The following MAST2 variants were observed in gnomAD, a reference collection of about 807,000 sequenced individuals.
MAST2 encodes the protein microtubule-associated serine/threonine-protein kinase 2.
Under a neutral mutation model 147.4 loss-of-function variants are expected in MAST2, and 70 were observed. The observed-to-expected ratio is 0.47, with a 90% confidence interval of 0.39 to 0.58. The LOEUF (loss-of-function observed/expected upper bound fraction) is 0.58, where lower values mean the gene tolerates loss of function less well. Among genes scored for constraint, MAST2 ranks in the 20% least tolerant of loss-of-function variants. MAST2 has a pLI of 0.00. For missense variants in MAST2, 2,080 were observed against 2,302.3 expected, an observed-to-expected ratio of 0.90 and a Z score of 1.98; for synonymous variants, 869 against 896.8, an observed-to-expected ratio of 0.97 and a Z score of 0.55.
At chr1:45,947,321 A>C (rs113062068) in intron 4 of MAST2, among the ~76,000 whole-genome samples, 11 of 151,522 alleles carry the variant, frequency 7.3e-5, no homozygotes, top group Non-Finnish European at 1.5e-4. Context: ...AAAAAAAAAA[A>C]AAAAAAAAAA....
rs780462984 is a variant in MAST2, at chr1:46,034,275, G to T, written c.3868+9G>T. Reference sequence around the variant, plus strand: ...CGATGCTGTGCATTCAGGTACGAAGGGCTCCCTGCAGATCAGTGACAACCC... The same window carrying T: ...CGATGCTGTGCATTCAGGTACGAAGTGCTCCCTGCAGATCAGTGACAACCC... On this transcript the variant is annotated intron_variant, in intron 28 of 28. Coordinates refer to ENST00000361297, the MANE Select transcript of MAST2 (RefSeq NM_015112.3). The T allele has an allele frequency of 6.2e-7, 1 of 1,607,984 alleles. No individual in the cohort carries two copies. The highest frequency in any genetic ancestry group is 1.1e-5 in the South Asian group (1 of 90,280).
rs541912452 is a variant in MAST2, at chr1:46,012,595, A to G, written c.1188+1656A>G. On this transcript the variant is annotated intron_variant, in intron 10 of 28. Transcript: ENST00000361297. ...ACAATGTGATTGACGAGCACTAGAG[A>G]TAAGTAGGTTCTGAGCACAGAGGAG... Among the ~76,000 whole-genome samples, 8 of 152,260 alleles carry G rather than the reference A, an allele frequency of 5.3e-5. No homozygotes were observed. The East Asian group carries it at 1.4e-3, about 26-fold the overall frequency.
At chr1:45,886,894 TC>T (rs201017892) in intron 4 of MAST2, among the ~76,000 whole-genome samples, 3,439 of 152,288 alleles carry the variant, frequency 0.023, 140 homozygotes, top group African/African-American at 0.078. Context: ...TGGCGCAGTC[TC>T]AGCTCACTGC....
intron 1 of MAST2, among the ~76,000 whole-genome samples, chr1:45,812,746 C>T (rs144413016): frequency 6.4e-4 from 97 of 152,204 alleles, no homozygotes; most frequent in Middle Eastern, 3.4e-3. Context: ...TTTAATAGTC[C>T]GTGTAACATT....
chr1:45,901,488 T>A (rs947466988), intron 4 of MAST2, among the ~76,000 whole-genome samples: 1 of 152,228 alleles, frequency 6.6e-6, no homozygotes, highest in African/African-American at 2.4e-5. Flanking sequence ...ATGTGGGCTC[T>A]TCTTTGGTTC....
chr1:45,836,136 T>G (rs1645095368), intron 3 of MAST2, among the ~76,000 whole-genome samples: 1 of 152,240 alleles, frequency 6.6e-6, no homozygotes, highest in Admixed American at 6.5e-5. Flanking sequence ...ATTTGTTGGA[T>G]GATACAGTAA....
intron 4 of MAST2, among the ~76,000 whole-genome samples, chr1:45,891,494 A>G (rs1647769379): frequency 6.6e-6 from 1 of 152,202 alleles, no homozygotes; most frequent in Non-Finnish European, 1.5e-5. Flanking sequence ...AACAAAAAAA[A>G]GAAATTATTT....
chr1:45,866,882 G>A (rs557038429), intron 3 of MAST2, among the ~76,000 whole-genome samples: 13 of 151,962 alleles, frequency 8.6e-5, no homozygotes, highest in African/African-American at 1.2e-4. Context: ...CGAGTAGCTG[G>A]GGCATTACAG....
intron 5 of MAST2, among the ~76,000 whole-genome samples, chr1:45,966,671 A>G (rs1205971581): frequency 2.6e-5 from 4 of 152,074 alleles, no homozygotes; most frequent in African/African-American, 9.7e-5. Context: ...GCAGTGAGCC[A>G]AGATTGTGCC....
chr1:45,947,890 G>A (rs920115666), intron 4 of MAST2, among the ~76,000 whole-genome samples: 1 of 152,090 alleles, frequency 6.6e-6, no homozygotes, highest in Non-Finnish European at 1.5e-5. Flanking sequence ...CTAATTTTTT[G>A]TATTTTTAGT....
chr1:46,031,118 G>A lies in MAST2; in HGVS notation c.2820G>A (p.Pro940=), dbSNP rs374395319. The change falls in exon 23 of 29, where the codon CCG becomes CCA. Residue 940 remains proline, a synonymous_variant. Coordinates refer to ENST00000361297, the MANE Select transcript of MAST2 (RefSeq NM_015112.3). This position sits in a 1 kb window ranked among gnomAD's most constrained non-coding sequence, Gnocchi z 4.1. ...CSGLLDAPRF[P]EGPEEASSTL... ...GCCTCCTGGATGCGCCTCGGTTCCC[G>A]GAGGGCCCTGAGGAGGCCAGCAGCA... 111 of 1,612,018 alleles carry A rather than the reference G, an allele frequency of 6.9e-5. No individual in the cohort carries two copies. The highest frequency in any genetic ancestry group is 2.5e-4 in the Admixed American group (15 of 59,860).
chr1:45,858,519 C>T (rs12751443), intron 3 of MAST2, among the ~76,000 whole-genome samples: 38,748 of 144,806 alleles, frequency 0.27, 5,392 homozygotes, highest in South Asian at 0.36. Context: ...ATTAGCCCTT[C>T]GTCAGATGAG....
Position 46,031,007 on chromosome 1 carries a change from AT to A in MAST2, c.2711del (p.Leu904TyrfsTer21), listed in dbSNP as rs1314354599. On this transcript the variant is annotated frameshift_variant and splice_region_variant, in exon 23 of 29. Transcript: ENST00000361297. LOFTEE classifies it high-confidence loss of function. This position sits in a 1 kb window ranked among gnomAD's most constrained non-coding sequence, Gnocchi z 4.1. ...RSWVIGSPEI[L>X]RKRLSVSESS... ...TCACCCCAGGCCTTGTGTCTCATAG[AT>A]TACGGAAGCGGCTGTCGGTGTCTGA... 1 of 1,612,876 alleles carries A rather than the reference AT, an allele frequency of 6.2e-7. No homozygotes were observed. The highest frequency in any genetic ancestry group is 8.5e-7 in the Non-Finnish European group (1 of 1,179,300).
chr1:45,830,516 C>G (rs1210589000), intron 3 of MAST2, among the ~76,000 whole-genome samples: 3 of 152,184 alleles, frequency 2.0e-5, no homozygotes, highest in African/African-American at 7.2e-5. Context: ...GTCAGTGTCA[C>G]TGGTACTAAT....
chr1:46,010,652 A>C (rs1183608533), intron 9 of MAST2, 78 bp from the exon 10 acceptor site: 1 of 1,312,362 alleles, frequency 7.6e-7, no homozygotes, highest in African/African-American at 1.5e-5. Context: ...TTATTTTGCT[A>C]TTTCCAGGTC....
chr1:45,856,715 A>G (rs1645802046), intron 3 of MAST2, among the ~76,000 whole-genome samples: 1 of 152,184 alleles, frequency 6.6e-6, no homozygotes, highest in African/African-American at 2.4e-5. Flanking sequence ...ACCGAGGAAG[A>G]GCAAAACAAA....
At position 46,031,440 on chromosome 1, in the gene MAST2, A is replaced by C; in HGVS notation, c.3042A>C (p.Thr1014=). ...CCTCACAGCTGGCTGAGGGAGCCAC[A>C]GCCAAGGCCATCAGTGACCTGGCTG... The part of the protein sequence containing the change: ...RGTSQLAEGA[T]AKAISDLAVR... Residue 1014 remains threonine (T), a synonymous_variant, in exon 24 of 29, where the codon ACA becomes ACC. Coordinates refer to ENST00000361297, the MANE Select transcript of MAST2 (RefSeq NM_015112.3). This position sits in a 1 kb window ranked among gnomAD's most constrained non-coding sequence, Gnocchi z 4.1. 6.2e-7 allele frequency: 1 copy of C among 1,614,108 alleles called. No individual in the cohort carries two copies. Among genetic ancestry groups the C allele is most frequent in the Non-Finnish European group, 8.5e-7 (1 of 1,179,994 alleles).
At chr1:45,957,857 C>A (rs1476646985) in intron 4 of MAST2, among the ~76,000 whole-genome samples, 1 of 152,124 alleles carries the variant, frequency 6.6e-6, no homozygotes, top group Non-Finnish European at 1.5e-5. Flanking sequence ...ACTCTAAGTT[C>A]CCAGGTGCAG....
intron 4 of MAST2, among the ~76,000 whole-genome samples, chr1:45,959,032 T>G (rs989487088): frequency 2.0e-5 from 3 of 152,242 alleles, no homozygotes; most frequent in African/African-American, 7.2e-5. Context: ...ACTTGTGCTT[T>G]TTATTTTGTA....
Sources: allele counts gnomAD v4.1 joint callset (sites outside exome capture counted in the v4.1 genomes callset), GRCh38; gene constraint gnomAD v4.1.1; non-coding constraint Gnocchi (gnomAD v3.1); transcripts MANE v1.5; gene names NCBI Gene and HGNC (gene_info 2026-07-23, HGNC 2026-07-21).